PPP6R2: variants seen among roughly 807,000 people sequenced by gnomAD.
PPP6R2 encodes protein phosphatase 6 regulatory subunit 2, also known as serine/threonine-protein phosphatase 6 regulatory subunit 2.
PPP6R2 carries 62 observed loss-of-function variants against 100.2 expected under a neutral mutation model. That is an observed-to-expected ratio of 0.62 (90% confidence interval 0.50 to 0.76). The LOEUF (loss-of-function observed/expected upper bound fraction) is 0.76. Ranked by LOEUF, PPP6R2 falls within the 30% of genes least tolerant of loss-of-function variation. PPP6R2 has a pLI of 0.00. For missense variants in PPP6R2, 1,142 were observed against 1,276.3 expected (o/e 0.89, Z 1.60); for synonymous variants, 525 against 514.7 (o/e 1.02, Z -0.27).
At chr22:50,415,980 CAA>C (rs2147545377) in intron 5 of PPP6R2, 110 bp from the exon 6 acceptor site, 2 of 953,778 alleles carry the variant, frequency 2.1e-6, no homozygotes, top group South Asian at 2.9e-5. Flanking sequence ...GTGTGTCAGG[CAA>C]AGAGTCTATA....
In PPP6R2 at chr22:50,444,262, G is replaced by A. The variant is rs376705230; in HGVS notation, c.*15G>A. The A allele has an allele frequency of 3.0e-4, 487 of 1,611,962 alleles. No homozygotes were observed. The highest frequency in any genetic ancestry group is 3.8e-4 in the Non-Finnish European group (448 of 1,179,574). ...GCCCAGTGTGATGCTGCTGCCGCCC[G>A]GCCACGGCCCACCCTGGTCAGGCTG... On this transcript the variant is annotated 3_prime_UTR_variant, in exon 24 of 24. Transcript: ENST00000612753.
chr22:50,384,632 G>C (rs2148721561), intron 2 of PPP6R2, among the ~76,000 whole-genome samples: 1 of 151,962 alleles, frequency 6.6e-6, no homozygotes, highest in South Asian at 2.1e-4. Context: ...CATATCTGGT[G>C]GGGGCCTTCT....
chr22:50,421,558 C>G (rs7511250), intron 8 of PPP6R2, among the ~76,000 whole-genome samples: 1 of 152,044 alleles, frequency 6.6e-6, no homozygotes, highest in Non-Finnish European at 1.5e-5. Context: ...TATATGATTA[C>G]GTATTACTTT....
intron 1 of PPP6R2, among the ~76,000 whole-genome samples, chr22:50,356,475 T>C (rs2046613143): frequency 6.6e-6 from 1 of 152,052 alleles, no homozygotes; most frequent in South Asian, 2.1e-4. Flanking sequence ...GCTAATTTTT[T>C]TTTGTATTTT....
At chr22:50,397,213 T>A (rs1664626309) in intron 3 of PPP6R2, among the ~76,000 whole-genome samples, 1 of 151,940 alleles carries the variant, frequency 6.6e-6, no homozygotes, top group South Asian at 2.1e-4. Flanking sequence ...GGTCAGGATA[T>A]CCATTTAAAT....
the PPP6R2 span, among the ~76,000 whole-genome samples, chr22:50,333,583 C>T: frequency 6.6e-6 from 1 of 152,252 alleles, no homozygotes; most frequent in East Asian, 1.9e-4. Flanking sequence ...CCGCCCACCT[C>T]GGCCTCCCAA....
chr22:50,412,383 T>C (rs1205131713), intron 4 of PPP6R2, among the ~76,000 whole-genome samples: 9 of 151,316 alleles, frequency 5.9e-5, no homozygotes, highest in Admixed American at 5.9e-4. Flanking sequence ...GTAGAGACCA[T>C]GTTGGCCAGG....
chr22:50,404,161 C>T (rs1171701115), intron 3 of PPP6R2, among the ~76,000 whole-genome samples: 1 of 149,992 alleles, frequency 6.7e-6, no homozygotes, highest in Admixed American at 6.7e-5. Flanking sequence ...GTGGCTTGAT[C>T]TCATCTCACT....
At chr22:50,429,126 G>T (rs900072990) in intron 10 of PPP6R2, among the ~76,000 whole-genome samples, 3 of 152,076 alleles carry the variant, frequency 2.0e-5, no homozygotes, top group Admixed American at 6.6e-5. Flanking sequence ...CGCCTCCTGG[G>T]CTCAGGCGAT....
At chr22:50,441,886 A>G (rs148549498) in intron 22 of PPP6R2, among the ~76,000 whole-genome samples, 4 of 152,228 alleles carry the variant, frequency 2.6e-5, no homozygotes, top group Non-Finnish European at 5.9e-5. Context: ...GGGCCAGGTA[A>G]ACCTGAGGGG....
chr22:50,375,229 C>A (rs1375951683), intron 2 of PPP6R2, among the ~76,000 whole-genome samples: 2 of 152,038 alleles, frequency 1.3e-5, no homozygotes, highest in African/African-American at 4.8e-5. Context: ...ACCTTCTACT[C>A]CCCCACCCTC....
intron 15 of PPP6R2, 22 bp from the exon 16 acceptor site, chr22:50,437,484 T>TTCCCACC: frequency 1.8e-6 from 1 of 542,128 alleles, no homozygotes; most frequent in East Asian, 4.4e-5. Flanking sequence ...TGTCCGTCCC[T>TTCCCACC]CCCTCCCTCC....
At chr22:50,358,694 TG>T (rs555972536) in intron 1 of PPP6R2, among the ~76,000 whole-genome samples, 51 of 152,326 alleles carry the variant, frequency 3.3e-4, no homozygotes, top group Admixed American at 2.5e-3. Flanking sequence ...AAGCAACTGC[TG>T]ATCTCTTTTC....
chr22:50,362,882 T>C (rs1474024854), intron 1 of PPP6R2, among the ~76,000 whole-genome samples: 1 of 152,136 alleles, frequency 6.6e-6, no homozygotes, highest in Non-Finnish European at 1.5e-5. Context: ...TGAGGAATAA[T>C]TGTCTGCTGT....
At chr22:50,339,356 T>C (rs2042342500), upstream of PPP6R2, among the ~76,000 whole-genome samples, 1 of 135,964 alleles carries the variant, frequency 7.4e-6, no homozygotes, top group Non-Finnish European at 1.6e-5. Flanking sequence ...GTGTGTGGTA[T>C]GTGGTGTGTG....
At chr22:50,331,107 C>CA in the PPP6R2 span, among the ~76,000 whole-genome samples, 1 of 152,156 alleles carries the variant, frequency 6.6e-6, no homozygotes, top group Non-Finnish European at 1.5e-5. Flanking sequence ...TCTTGTGCCT[C>CA]ACGTTATGTT....
chr22:50,423,519 C>G lies in PPP6R2; in HGVS notation c.1030C>G (p.Leu344Val). The G allele has an allele frequency of 6.2e-7, 1 of 1,614,244 alleles. No individual in the cohort carries two copies. The stretch of plus-strand genomic sequence containing the variant: ...GGAGGAGCCCCTGGGGAATGCCCGT[C>G]TGCATGGCGCCCGCCTCATGGCAGC... ...VLEEPLGNAR[L>V]HGARLMAALL... is the part of the protein sequence containing the mutation. The change falls in exon 10 of 24, where the codon CTG (leucine) becomes GTG (valine). Residue 344 changes from leucine (L) to valine (V), a missense_variant. Transcript: ENST00000612753. The surrounding 1 kb of genome is among the most constrained non-coding windows in gnomAD (Gnocchi z 4.8).
the PPP6R2 span, among the ~76,000 whole-genome samples, chr22:50,331,245 A>G: frequency 6.6e-6 from 1 of 151,650 alleles, no homozygotes; most frequent in South Asian, 2.1e-4. Flanking sequence ...TTTGCTTATT[A>G]TGACTCATGC....
chr22:50,383,166 G>C (rs1174663434), intron 2 of PPP6R2, among the ~76,000 whole-genome samples: 1 of 151,872 alleles, frequency 6.6e-6, no homozygotes, highest in African/African-American at 2.4e-5. Context: ...AAAATGAAGG[G>C]GTCCATGAAT....
Sources: allele counts gnomAD v4.1 joint callset (sites outside exome capture counted in the v4.1 genomes callset), GRCh38; gene constraint gnomAD v4.1.1; non-coding constraint Gnocchi (gnomAD v3.1); transcripts MANE v1.5; gene names NCBI Gene and HGNC (gene_info 2026-07-23, HGNC 2026-07-21).